B3GALNT2: variants seen among roughly 807,000 people sequenced by gnomAD.
The protein encoded by B3GALNT2 is UDP-GalNAc:beta-1,3-N-acetylgalactosaminyltransferase 2.
In B3GALNT2, 53 loss-of-function variants were observed where a neutral mutation model predicts 61.1. The observed-to-expected ratio is 0.87, with a 90% CI of 0.70 to 1.09. The LOEUF is 1.09. Ranked by LOEUF, B3GALNT2 falls within the 50% of genes least tolerant of loss-of-function variation. The pLI is 0.00. For missense variants in B3GALNT2, 544 were observed against 623.0 expected, an observed-to-expected ratio of 0.87 and a Z score of 1.35; for synonymous variants, 223 against 237.4, an observed-to-expected ratio of 0.94 and a Z score of 0.56.
At chr1:235,481,659 A>T (rs1426583587) in intron 4 of B3GALNT2, among the ~76,000 whole-genome samples, 7 of 151,800 alleles carry the variant, frequency 4.6e-5, no homozygotes, top group Non-Finnish European at 8.8e-5. Context: ...TTTTTTTTTT[A>T]AACTATATAT....
In B3GALNT2 at chr1:235,458,598, C is replaced by T; in HGVS notation, c.1025+5G>A. ...TTCTAGCTACCCAACATTTTTACAA[C>T]CTACCATCTATAGAAGTTCAATAAT... On this transcript the variant is annotated splice_donor_5th_base_variant and intron_variant, in intron 8 of 11. Transcript: ENST00000366600. 1 of 1,579,112 alleles carries T rather than the reference C, an allele frequency of 6.3e-7. No individual in the cohort carries two copies. Among genetic ancestry groups the T allele is most frequent in the Non-Finnish European group, 8.6e-7 (1 of 1,168,156 alleles).
rs146626919 is a variant in B3GALNT2 at position 235,456,009 on chromosome 1, A to G, written c.1026-325T>C. ...AGGCATCATTCAACTCCTGCTGCCA[A>G]ATCTATTAAACGCCTGAACCTTGCC... On this transcript the variant is annotated intron_variant, in intron 8 of 11. Transcript: ENST00000366600. 1.4e-4 allele frequency among the ~76,000 whole-genome samples: 21 copies of G among 152,360 alleles called. No individual in the cohort carries two copies. In the East Asian group the frequency reaches 3.7e-3, roughly 27 times the overall value.
chr1:235,458,594 A>G lies in B3GALNT2; in HGVS notation c.1025+9T>C. 1 of 1,569,478 alleles carries G rather than the reference A, an allele frequency of 6.4e-7. No homozygotes were observed. On this transcript the variant is annotated intron_variant, in intron 8 of 11. Transcript: ENST00000366600. ...CAAGTTCTAGCTACCCAACATTTTT[A>G]CAACCTACCATCTATAGAAGTTCAA...
At chr1:235,481,937 T>G (rs1056850527) in intron 4 of B3GALNT2, among the ~76,000 whole-genome samples, 5 of 152,224 alleles carry the variant, frequency 3.3e-5, no homozygotes, top group Non-Finnish European at 7.3e-5. Flanking sequence ...ACAGATTATT[T>G]AGAGGAAGAA....
rs1418024356 is a variant in B3GALNT2, at chr1:235,504,303, G to A, written c.-51C>T. 4.8e-6 allele frequency: 7 copies of A among 1,470,728 alleles called. No individual in the cohort carries two copies. The highest frequency in any genetic ancestry group is 6.3e-6 in the Non-Finnish European group (7 of 1,115,750). The allele number at this position is 1,470,728 out of a possible 1,614,324, so 91.1% of individuals were successfully genotyped here. A position where few individuals can be genotyped will look rare whatever the true frequency, so the allele number is the denominator to read the frequency against. ...TCTCCCGCGTCCCGGCGGAGAGGGAGGGGACCTGCAAGTGCGGAGACTGAG... is the reference window on the plus strand; with the variant it reads ...TCTCCCGCGTCCCGGCGGAGAGGGAAGGGACCTGCAAGTGCGGAGACTGAG... On this transcript the variant is annotated 5_prime_UTR_variant, in exon 1 of 12. Transcript: ENST00000366600.
intron 1 of B3GALNT2, 116 bp downstream of exon 1, chr1:235,504,025 A>T: frequency 9.3e-7 from 1 of 1,077,038 alleles, no homozygotes; most frequent in Admixed American, 4.6e-5. Context: ...TCGTCTGGGG[A>T]CCGTCGCGTT....
chr1:235,449,955 A>C lies in B3GALNT2; in HGVS notation c.*251T>G, dbSNP rs1682792377. The C allele has an allele frequency of 3.0e-6, 1 of 327,994 alleles. No individual in the cohort carries two copies. The highest frequency in any genetic ancestry group is 5.6e-6 in the Non-Finnish European group (1 of 180,032). 20.3% of individuals were successfully genotyped at this position (327,994 alleles called of 1,614,324 possible). Reference sequence around the variant, plus strand: ...TTAGAAATATTTTTTCTTTTATAAAATAACTTGGTATTTTTCTGATAATCT... The same window carrying C: ...TTAGAAATATTTTTTCTTTTATAAACTAACTTGGTATTTTTCTGATAATCT... On this transcript the variant is annotated 3_prime_UTR_variant, in exon 12 of 12. Transcript: ENST00000366600.
intron 5 of B3GALNT2, among the ~76,000 whole-genome samples, chr1:235,478,132 G>A (rs1684372233): frequency 6.6e-6 from 1 of 152,098 alleles, no homozygotes; most frequent in South Asian, 2.1e-4. Flanking sequence ...TTGGCTCACT[G>A]CAACCTGTCC....
intron 6 of B3GALNT2, among the ~76,000 whole-genome samples, chr1:235,466,353 G>T (rs1395705062): frequency 6.6e-6 from 1 of 151,780 alleles, no homozygotes; most frequent in African/African-American, 2.4e-5. Flanking sequence ...ACAGGCGTGA[G>T]CCACCACACC....
At chr1:235,442,804 C>T (rs371774114), downstream of B3GALNT2, 118 of 1,563,046 alleles carry the variant, frequency 7.5e-5, no homozygotes, top group Middle Eastern at 1.0e-3. Flanking sequence ...AATTTAAATC[C>T]ATATAATAGT....
chr1:235,454,952 TCA>T (rs1223022774), intron 9 of B3GALNT2, among the ~76,000 whole-genome samples: 2 of 152,174 alleles, frequency 1.3e-5, no homozygotes, highest in African/African-American at 4.8e-5. Flanking sequence ...GAAAATGGTT[TCA>T]GAGACGTGTC....
Position 235,480,103 on chromosome 1 carries a change from T to C in B3GALNT2, c.602A>G (p.Gln201Arg). Reference sequence around the variant, plus strand: ...GGGCTTGTACCACAGCTTGTTCACCTGCACACCACAGCTTGGAGGACTGAA... The same window carrying C: ...GGGCTTGTACCACAGCTTGTTCACCCGCACACCACAGCTTGGAGGACTGAA... ...ARFSPPSCGV[Q>R]VNKLWYKPVE... Residue 201 changes from glutamine (Q) to arginine (R), a missense_variant, in exon 5 of 12, where the codon CAG (glutamine) becomes CGG (arginine). Transcript: ENST00000366600. 6.2e-7 allele frequency: 1 copy of C among 1,613,922 alleles called. No individual in the cohort carries two copies. Among genetic ancestry groups the C allele is most frequent in the Non-Finnish European group, 8.5e-7 (1 of 1,179,832 alleles).
chr1:235,481,429 G>A (rs565897745), intron 4 of B3GALNT2, among the ~76,000 whole-genome samples: 12 of 152,082 alleles, frequency 7.9e-5, no homozygotes, highest in African/African-American at 2.9e-4. Context: ...ATGCAGCCTC[G>A]ACCTCCTGGG....
intron 5 of B3GALNT2, among the ~76,000 whole-genome samples, chr1:235,474,049 TTAAA>T (rs1407085786): frequency 6.6e-6 from 1 of 152,212 alleles, no homozygotes; most frequent in African/African-American, 2.4e-5. Context: ...CTCATGGAAC[TTAAA>T]TAACCCATCA....
chr1:235,470,647 A>G (rs915192329), intron 6 of B3GALNT2, among the ~76,000 whole-genome samples: 6 of 151,986 alleles, frequency 3.9e-5, no homozygotes, highest in African/African-American at 1.5e-4. Context: ...AAAACTGTAA[A>G]CTCACTAATG....
chr1:235,501,659 AC>A (rs1455584951), intron 1 of B3GALNT2, among the ~76,000 whole-genome samples: 1 of 152,182 alleles, frequency 6.6e-6, no homozygotes, highest in African/African-American at 2.4e-5. Flanking sequence ...GAGCCAAAGA[AC>A]CTTTTTTAAT....
At chr1:235,458,062 C>T (rs1172608591) in intron 8 of B3GALNT2, among the ~76,000 whole-genome samples, 1 of 152,008 alleles carries the variant, frequency 6.6e-6, no homozygotes, top group Non-Finnish European at 1.5e-5. Flanking sequence ...CGCTCGCCAC[C>T]ACACTTGGCT....
rs1553341621 is a variant in B3GALNT2 at position 235,448,331 on chromosome 1, T to G, written c.*1875A>C. 8.7e-6 allele frequency: 14 copies of G among 1,612,468 alleles called. 1 individual carries two copies. The South Asian group carries it at 1.2e-4, about 14-fold the overall frequency. ...TGTCATTTGAGAGAACGAATGGACTTTTCTTGTCTTTTGATAGGCTCCATG... is the reference window on the plus strand; with the variant it reads ...TGTCATTTGAGAGAACGAATGGACTGTTCTTGTCTTTTGATAGGCTCCATG... On this transcript the variant is annotated 3_prime_UTR_variant, in exon 12 of 12. Transcript: ENST00000366600.
intron 2 of B3GALNT2, among the ~76,000 whole-genome samples, chr1:235,491,988 TACA>T (rs1685094034): frequency 6.6e-6 from 1 of 152,154 alleles, no homozygotes; most frequent in Non-Finnish European, 1.5e-5. Context: ...TCACAGCACA[TACA>T]ACATTTTATT....
Sources: gnomAD v4.1 joint callset for allele counts (sites outside exome capture counted in the v4.1 genomes callset) on GRCh38, gnomAD v4.1.1 for gene constraint, MANE v1.5 for transcripts, NCBI Gene and HGNC (gene_info 2026-07-23, HGNC 2026-07-21) for gene names.